PRELID2: variants seen among roughly 807,000 people sequenced by gnomAD.
PRELID2 encodes PRELI domain-containing protein 2.
A neutral mutation model predicts 28.4 loss-of-function variants in PRELID2; 25 were observed. That is an observed-to-expected ratio of 0.88 (90% confidence interval 0.64 to 1.23). PRELID2 has a LOEUF of 1.23. Among genes scored for constraint, PRELID2 ranks in the 50% most tolerant of loss-of-function variants. The pLI, the probability that PRELID2 is intolerant of heterozygous loss-of-function variation, is 0.00. For synonymous variants in PRELID2, 76 were observed against 71.6 expected (o/e 1.06, Z -0.31); for missense variants, 201 against 214.4 (o/e 0.94, Z 0.39).
At chr5:145,440,202 G>A in the PRELID2 span, among the ~76,000 whole-genome samples, 41 of 152,176 alleles carry the variant, frequency 2.7e-4, no homozygotes, top group African/African-American at 9.4e-4. Flanking sequence ...TCTCTGTCAT[G>A]ACCAGATTCC....
intron 1 of PRELID2, among the ~76,000 whole-genome samples, chr5:145,503,584 A>G (rs1245618014): frequency 2.0e-5 from 3 of 152,296 alleles, no homozygotes; most frequent in East Asian, 3.9e-4. Flanking sequence ...ACTAAGGTAT[A>G]GAGAGGTTAA....
At position 145,801,858 on chromosome 5, in the gene PRELID2, C is replaced by A. The variant is rs542699739; in HGVS notation, c.369-5311G>T. On this transcript the variant is annotated intron_variant, in intron 4 of 6. Transcript: ENST00000683046. Reference sequence around the variant, plus strand: ...AAGTCACCTGATTGTGCTTATTTCGCTTGTAATGTCCCTCAACAATCCATG... The same window carrying A: ...AAGTCACCTGATTGTGCTTATTTCGATTGTAATGTCCCTCAACAATCCATG... Among the ~76,000 whole-genome samples, 4 of 152,296 alleles carry A rather than the reference C, an allele frequency of 2.6e-5. No individual in the cohort carries two copies. In the East Asian group the frequency reaches 7.7e-4, roughly 29 times the overall value.
chr5:145,725,245 T>C (rs1446424992), intron 1 of PRELID2, among the ~76,000 whole-genome samples: 4 of 152,086 alleles, frequency 2.6e-5, no homozygotes, highest in Non-Finnish European at 4.4e-5. Flanking sequence ...AATAAGGTGC[T>C]CAGAATCATC....
At chr5:145,649,848 T>C (rs1303673196) in intron 1 of PRELID2, among the ~76,000 whole-genome samples, 1 of 152,252 alleles carries the variant, frequency 6.6e-6, no homozygotes, top group Non-Finnish European at 1.5e-5. Context: ...CTGGATCTGC[T>C]GTGGGGTGGT....
chr5:145,335,453 C>A, the PRELID2 span, among the ~76,000 whole-genome samples: 2 of 151,900 alleles, frequency 1.3e-5, no homozygotes, highest in Non-Finnish European at 2.9e-5. Context: ...TTGTCAGGTA[C>A]TTCATAGATC....
chr5:145,293,751 G>A, the PRELID2 span, among the ~76,000 whole-genome samples: 1 of 152,132 alleles, frequency 6.6e-6, no homozygotes, highest in South Asian at 2.1e-4. Flanking sequence ...AACATCTTTA[G>A]TCCTACAAGC....
At chr5:145,659,745 A>G (rs1376801516) in intron 1 of PRELID2, among the ~76,000 whole-genome samples, 2 of 152,138 alleles carry the variant, frequency 1.3e-5, no homozygotes, top group Non-Finnish European at 2.9e-5. Context: ...TGCACTATTG[A>G]TTTTTCCAGA....
the PRELID2 span, among the ~76,000 whole-genome samples, chr5:145,453,293 A>T: frequency 6.6e-6 from 1 of 152,166 alleles, no homozygotes; most frequent in Non-Finnish European, 1.5e-5. Flanking sequence ...TGTTGGCAAA[A>T]TGGCTAGGCA....
intron 1 of PRELID2, among the ~76,000 whole-genome samples, chr5:145,508,443 A>G (rs1157291677): frequency 1.3e-5 from 2 of 152,176 alleles, no homozygotes; most frequent in African/African-American, 4.8e-5. Flanking sequence ...GAGGTAAAAA[A>G]GCCAAAGTGA....
chr5:145,419,627 T>C, the PRELID2 span, among the ~76,000 whole-genome samples: 164 of 151,640 alleles, frequency 1.1e-3, 1 homozygote, highest in South Asian at 0.011. Context: ...ATTCTGGATA[T>C]TAGCCCTTTG....
the PRELID2 span, among the ~76,000 whole-genome samples, chr5:145,353,495 C>G: frequency 6.7e-6 from 1 of 150,296 alleles, no homozygotes; most frequent in South Asian, 2.1e-4. Context: ...AAAGAAATAC[C>G]TGAGACCGGG....
intron 1 of PRELID2, among the ~76,000 whole-genome samples, chr5:145,831,836 A>G (rs1391226188): frequency 1.3e-5 from 2 of 152,152 alleles, no homozygotes; most frequent in Admixed American, 6.6e-5. Context: ...TTCACTATGT[A>G]CCAGGTACTT....
intron 1 of PRELID2, among the ~76,000 whole-genome samples, chr5:145,737,602 A>AT (rs1756533235): frequency 6.6e-6 from 1 of 152,134 alleles, no homozygotes; most frequent in African/African-American, 2.4e-5. Flanking sequence ...AGCACAGATA[A>AT]TTTTTTAAAA....
the PRELID2 span, among the ~76,000 whole-genome samples, chr5:145,264,969 T>TAAAAAAAAAAA: frequency 1.8e-5 from 1 of 56,880 alleles, no homozygotes; most frequent in Admixed American, 2.0e-4. Context: ...AGTGCAACTC[T>TAAAAAAAAAAA]AAAAAAAAAA....
chr5:145,470,184 T>C (rs559079799), downstream of PRELID2, among the ~76,000 whole-genome samples: 2 of 152,250 alleles, frequency 1.3e-5, no homozygotes, highest in African/African-American at 4.8e-5. Flanking sequence ...GTAAATATTT[T>C]AGGATCTCTG....
At chr5:145,616,716 G>T (rs1365447447) in intron 1 of PRELID2, among the ~76,000 whole-genome samples, 3 of 152,208 alleles carry the variant, frequency 2.0e-5, no homozygotes, top group African/African-American at 7.2e-5. Flanking sequence ...GAGATCACAG[G>T]ACCACAGGAC....
intron 1 of PRELID2, among the ~76,000 whole-genome samples, chr5:145,491,700 A>AC (rs1225059078): frequency 6.6e-6 from 1 of 151,438 alleles, no homozygotes; most frequent in African/African-American, 2.4e-5. Flanking sequence ...TATCTCTGTA[A>AC]CCCCCCCAGT....
At chr5:145,552,592 G>C (rs918254286) in intron 1 of PRELID2, among the ~76,000 whole-genome samples, 1 of 151,934 alleles carries the variant, frequency 6.6e-6, no homozygotes, top group Non-Finnish European at 1.5e-5. Flanking sequence ...GCTGAAAATA[G>C]AAGCAACACC....
At chr5:145,509,735 A>C (rs1175933409) in intron 1 of PRELID2, among the ~76,000 whole-genome samples, 1 of 152,184 alleles carries the variant, frequency 6.6e-6, no homozygotes, top group Non-Finnish European at 1.5e-5. Context: ...ACAATGTAAC[A>C]CTGTAAAGCA....
Sources: gnomAD v4.1 joint callset for allele counts (sites outside exome capture counted in the v4.1 genomes callset) on GRCh38, gnomAD v4.1.1 for gene constraint, MANE v1.5 for transcripts, NCBI Gene and HGNC (gene_info 2026-07-23, HGNC 2026-07-21) for gene names.